Variants in DPP6 observed in about 807,000 individuals in gnomAD.
The protein encoded by DPP6 is dipeptidyl peptidase like 6, also known as A-type potassium channel modulatory protein DPP6.
DPP6 carries 69 observed loss-of-function variants against 122.6 expected under a neutral mutation model. The ratio of observed to expected loss-of-function variants is 0.56; its 90% CI spans 0.46 to 0.69. The LOEUF is 0.69. Ranked by LOEUF, DPP6 falls within the 30% of genes least tolerant of loss-of-function variation. The pLI is 0.00. For synonymous variants in DPP6, 418 were observed against 433.1 expected (o/e 0.97, Z 0.43); for missense variants, 928 against 1,116.9 (o/e 0.83, Z 2.41).
the DPP6 span, among the ~76,000 whole-genome samples, chr7:153,843,097 TACAC>T: frequency 1.3e-5 from 2 of 148,986 alleles, no homozygotes; most frequent in African/African-American, 5.0e-5. Context: ...CACGAGTGCA[TACAC>T]ACACGAGTGC....
At chr7:154,431,784 C>T (rs1586252647) in intron 1 of DPP6, among the ~76,000 whole-genome samples, 1 of 152,240 alleles carries the variant, frequency 6.6e-6, no homozygotes, top group East Asian at 1.9e-4. Flanking sequence ...CCGCCCACCT[C>T]AGCCTCCCAA....
At chr7:154,521,197 G>A (rs901922876) in intron 3 of DPP6, among the ~76,000 whole-genome samples, 1 of 152,004 alleles carries the variant, frequency 6.6e-6, no homozygotes, top group Admixed American at 6.5e-5. Flanking sequence ...ACATTTCTGA[G>A]GATATTCATT....
At chr7:154,869,155 C>T (rs77803343) in intron 18 of DPP6, among the ~76,000 whole-genome samples, 4,044 of 152,234 alleles carry the variant, frequency 0.027, 213 homozygotes, top group Admixed American at 0.14. Context: ...ACACACCTTG[C>T]GTTTGCCATC....
intron 5 of DPP6, among the ~76,000 whole-genome samples, chr7:154,626,825 GT>G (rs1200085916): frequency 6.6e-6 from 1 of 152,144 alleles, no homozygotes; most frequent in African/African-American, 2.4e-5. Flanking sequence ...TGTATAAATG[GT>G]TGCAGTAAAT....
intron 7 of DPP6, among the ~76,000 whole-genome samples, chr7:154,712,161 A>G (rs1841229237): frequency 6.6e-6 from 1 of 152,230 alleles, no homozygotes; most frequent in African/African-American, 2.4e-5. Context: ...TACAACATAC[A>G]TGGAAAAGAA....
intron 1 of DPP6, among the ~76,000 whole-genome samples, chr7:154,405,049 G>A (rs910138276): frequency 3.3e-5 from 5 of 152,172 alleles, no homozygotes; most frequent in African/African-American, 9.7e-5. Flanking sequence ...ACACATATAC[G>A]TATGCAAATG....
At chr7:154,859,846 G>A (rs969871491) in intron 17 of DPP6, among the ~76,000 whole-genome samples, 7 of 152,166 alleles carry the variant, frequency 4.6e-5, no homozygotes, top group African/African-American at 9.7e-5. Context: ...ATGCCAACTC[G>A]ACGTGTGGGA....
At chr7:154,064,289 C>G (rs1802528425) in intron 1 of DPP6, among the ~76,000 whole-genome samples, 1 of 152,174 alleles carries the variant, frequency 6.6e-6, no homozygotes, top group South Asian at 2.1e-4. Flanking sequence ...GAGCTCTTCC[C>G]TGCTACACTC....
rs374961805 is a variant in DPP6 at position 154,806,977 on chromosome 7, G to A, written c.1548-17G>A. The A allele has an allele frequency of 1.9e-5, 31 of 1,612,976 alleles. No individual in the cohort carries two copies. Among genetic ancestry groups the A allele is most frequent in the African/African-American group, 1.6e-4 (12 of 74,930 alleles). On this transcript the variant is annotated splice_polypyrimidine_tract_variant and intron_variant, in intron 15 of 25. Transcript: ENST00000377770. ...CCTCTCCGCCCACATTCACACCTGCGTCCTTTGCTCTTCCAGTGCCAACAC... is the reference window on the plus strand; with the variant it reads ...CCTCTCCGCCCACATTCACACCTGCATCCTTTGCTCTTCCAGTGCCAACAC...
At chr7:154,506,945 C>G (rs1038343190) in intron 3 of DPP6, among the ~76,000 whole-genome samples, 4 of 152,176 alleles carry the variant, frequency 2.6e-5, no homozygotes, top group Non-Finnish European at 5.9e-5. Context: ...AATAATTCCC[C>G]TAGAAAGTTT....
rs1554421912 is a variant in DPP6 at position 154,646,045 on chromosome 7, A to AAAAAAAAC, written c.680+8172_680+8173insAAAAAAAC. 9.8e-3 allele frequency among the ~76,000 whole-genome samples: 1,442 copies of AAAAAAAAC among 147,544 alleles called. 78 individuals carry two copies. Among genetic ancestry groups the AAAAAAAAC allele is most frequent in the African/African-American group, 0.036 (1,371 of 38,300 alleles). On this transcript the variant is annotated intron_variant, in intron 6 of 25. Transcript: ENST00000377770. ...TCCGTCTCAAAAAAAAAAAAAAAAA[A>AAAAAAAAC]GAAAATACTGAGGGCTCTATTCATG...
At chr7:154,691,991 C>CCTGACA (rs4061928) in intron 7 of DPP6, among the ~76,000 whole-genome samples, 146,191 of 152,078 alleles carry the variant, frequency 0.96, 70,519 homozygotes, top group East Asian at 1. Context: ...GAAACCCAGC[C>CCTGACA]CTCACTGGAT....
chr7:154,359,699 G>A (rs528628335), intron 1 of DPP6, among the ~76,000 whole-genome samples: 74 of 152,248 alleles, frequency 4.9e-4, no homozygotes, highest in Non-Finnish European at 9.3e-4. Context: ...GAATGAACTC[G>A]TGAATAAATG....
intron 3 of DPP6, among the ~76,000 whole-genome samples, chr7:154,539,457 G>A (rs1215369933): frequency 6.6e-6 from 1 of 152,034 alleles, no homozygotes. Flanking sequence ...ACAGGAAGGG[G>A]AACATCACAC....
At chr7:154,263,931 TCCA>T (rs1803200962) in intron 1 of DPP6, among the ~76,000 whole-genome samples, 1 of 152,098 alleles carries the variant, frequency 6.6e-6, no homozygotes, top group Non-Finnish European at 1.5e-5. Flanking sequence ...CCTCAGGTAA[TCCA>T]CCTGCCTCAG....
intron 1 of DPP6, among the ~76,000 whole-genome samples, chr7:154,309,225 C>A (rs926153054): frequency 1.2e-4 from 19 of 152,164 alleles, no homozygotes; most frequent in Non-Finnish European, 1.6e-4. Flanking sequence ...TTCCTTAGAC[C>A]TGAAAATCAG....
chr7:153,862,845 C>T, the DPP6 span, among the ~76,000 whole-genome samples: 40 of 152,020 alleles, frequency 2.6e-4, no homozygotes, highest in African/African-American at 9.6e-4. Flanking sequence ...AAATCGGTAA[C>T]ATATAATACT....
the DPP6 span, among the ~76,000 whole-genome samples, chr7:153,776,091 G>T: frequency 6.6e-6 from 1 of 151,986 alleles, no homozygotes. Context: ...GCAAGGCCAA[G>T]GAACTAAAAT....
intron 1 of DPP6, among the ~76,000 whole-genome samples, chr7:154,245,114 CTAATTTTT>C (rs1414409132): frequency 1.3e-5 from 2 of 151,570 alleles, no homozygotes; most frequent in Non-Finnish European, 2.9e-5. Context: ...CCATGCCCAG[CTAATTTTT>C]GTATTTTTTT....
Sources: allele counts gnomAD v4.1 joint callset (sites outside exome capture counted in the v4.1 genomes callset), GRCh38; gene constraint gnomAD v4.1.1; transcripts MANE v1.5; gene names NCBI Gene and HGNC (gene_info 2026-07-23, HGNC 2026-07-21).